Variants in LRRC53 observed in about 807,000 individuals in gnomAD.
LRRC53 encodes the protein leucine-rich repeat-containing protein 53.
A neutral mutation model predicts 13.6 loss-of-function variants in LRRC53; 25 were observed. The observed-to-expected ratio is 1.83, with a 90% CI of 1.34 to 2.56. The LOEUF is 2.56. Ranked by LOEUF, LRRC53 falls within the 30% of genes most tolerant of loss-of-function variation. The probability of loss-of-function intolerance (pLI) is 0.00; values close to 1 mark genes in which losing one functional copy is unlikely to be tolerated. For missense variants in LRRC53, 527 were observed against 275.8 expected (o/e 1.91, Z -6.45); for synonymous variants, 204 against 109.8 (o/e 1.86, Z -5.37).
intron 1 of LRRC53, among the ~76,000 whole-genome samples, chr1:74,501,540 G>A (rs1230661438): frequency 1.3e-5 from 2 of 152,090 alleles, no homozygotes; most frequent in African/African-American, 4.8e-5. Flanking sequence ...AGGCTAGAGT[G>A]CAGTGGCACA....
At chr1:74,527,807 G>A in the LRRC53 span, among the ~76,000 whole-genome samples, 8 of 152,190 alleles carry the variant, frequency 5.3e-5, no homozygotes, top group Non-Finnish European at 1.2e-4. Context: ...ATTGGACAGG[G>A]CTGAGTAAGG....
the LRRC53 span, among the ~76,000 whole-genome samples, chr1:74,521,429 A>G: frequency 3.2e-4 from 49 of 152,308 alleles, no homozygotes; most frequent in African/African-American, 1.1e-3. Flanking sequence ...TAACTATTTT[A>G]TGAAATATGT....
chr1:74,480,541 A>G lies in LRRC53; in HGVS notation c.516T>C (p.Ile172=). ...LDLSNNFISY[I]GKDAFRPLPQ... ...GCAGGGGCCGGAAGGCATCTTTCCC[A>G]ATGTAGGAAATAAAATTGTTGGATA... Residue 172 remains isoleucine, a synonymous_variant, in exon 3 of 5, where the codon ATT becomes ATC. Coordinates refer to ENST00000294635, the MANE Select transcript of LRRC53 (RefSeq NM_001382280.1). The G allele has an allele frequency of 1.4e-6, 1 of 717,412 alleles. No individual in the cohort carries two copies. Among genetic ancestry groups the G allele is most frequent in the East Asian group, 2.7e-5 (1 of 37,282 alleles). 44.4% of individuals were successfully genotyped at this position (717,412 alleles called of 1,614,324 possible). A position where few individuals can be genotyped will look rare whatever the true frequency, so the allele number is the denominator to read the frequency against.
At chr1:74,525,290 C>A in the LRRC53 span, among the ~76,000 whole-genome samples, 1 of 152,182 alleles carries the variant, frequency 6.6e-6, no homozygotes, top group Non-Finnish European at 1.5e-5. Context: ...TGCGTGTATA[C>A]CATCTCATAT....
At chr1:74,526,842 G>A in the LRRC53 span, among the ~76,000 whole-genome samples, 1 of 152,182 alleles carries the variant, frequency 6.6e-6, no homozygotes, top group South Asian at 2.1e-4. Flanking sequence ...GTAAACTACA[G>A]CTCATGGGTA....
the LRRC53 span, among the ~76,000 whole-genome samples, chr1:74,531,833 G>A: frequency 1.3e-5 from 2 of 152,264 alleles, no homozygotes; most frequent in South Asian, 2.1e-4. Context: ...TGATCCTTGT[G>A]CTAATATTAT....
At position 74,480,709 on chromosome 1, in the gene LRRC53, A is replaced by G. The variant is rs917101594; in HGVS notation, c.348T>C (p.Asn116=). The G allele has an allele frequency of 4.2e-6, 3 of 717,330 alleles. No individual in the cohort carries two copies. Among genetic ancestry groups the G allele is most frequent in the African/African-American group, 1.7e-5 (1 of 57,260 alleles). The allele number at this position is 717,330 out of a possible 1,614,324, so 44.4% of individuals were successfully genotyped here. ...LHSLQVLVLS[N]NALRTLRGSW... ...ACCCTCGTAGGGTGCGGAGAGCATT[A>G]TTGCTCAGCACCAGTACCTGCAGGC... Residue 116 remains asparagine, a synonymous_variant, in exon 3 of 5, where the codon AAT becomes AAC. Coordinates refer to ENST00000294635, the MANE Select transcript of LRRC53 (RefSeq NM_001382280.1).
the LRRC53 span, among the ~76,000 whole-genome samples, chr1:74,535,474 C>T: frequency 3.9e-5 from 6 of 151,932 alleles, no homozygotes; most frequent in Admixed American, 6.6e-5. Context: ...TGTCTCAAAT[C>T]AAACAAACAA....
chr1:74,495,693 GAGTA>G (rs1669293640), intron 1 of LRRC53, among the ~76,000 whole-genome samples: 1 of 152,134 alleles, frequency 6.6e-6, no homozygotes, highest in African/African-American at 2.4e-5. Context: ...AGTTAATGGA[GAGTA>G]AGTAAGCAAA....
At chr1:74,531,311 G>A in the LRRC53 span, among the ~76,000 whole-genome samples, 1 of 152,194 alleles carries the variant, frequency 6.6e-6, no homozygotes, top group African/African-American at 2.4e-5. Context: ...AAACAGCCAG[G>A]ATGAAACCAT....
At chr1:74,489,256 C>CTGAAATATGTCCA in intron 1 of LRRC53, 1 of 1,606,360 alleles carries the variant, frequency 6.2e-7, no homozygotes, top group Non-Finnish European at 8.5e-7. Context: ...GAGGTAAAAG[C>CTGAAATATGTCCA]TTTAGCTTCT....
chr1:74,536,992 C>A, the LRRC53 span, among the ~76,000 whole-genome samples: 2 of 152,256 alleles, frequency 1.3e-5, no homozygotes, highest in African/African-American at 2.4e-5. Context: ...GGTCTGGTTT[C>A]TTCTGTTTTG....
intron 1 of LRRC53, among the ~76,000 whole-genome samples, chr1:74,509,226 C>T (rs1670058901): frequency 6.6e-6 from 1 of 152,148 alleles, no homozygotes; most frequent in South Asian, 2.1e-4. Flanking sequence ...CAGTGTTGAC[C>T]ATTCCTCAGT....
At chr1:74,483,406 A>G (rs1340417188) in intron 1 of LRRC53, 31 bp from the exon 2 acceptor site, 3 of 712,142 alleles carry the variant, frequency 4.2e-6, no homozygotes, top group Non-Finnish European at 7.9e-6. Context: ...AATGTATATC[A>G]TAATGTTGGC....
At chr1:74,524,296 G>C in the LRRC53 span, among the ~76,000 whole-genome samples, 3 of 152,222 alleles carry the variant, frequency 2.0e-5, no homozygotes, top group Admixed American at 6.5e-5. Context: ...ATGGTAACAT[G>C]CAAAGTGAAT....
chr1:74,483,118 T>C (rs770769007), intron 2 of LRRC53, 144 bp downstream of exon 2: 2 of 470,532 alleles, frequency 4.3e-6, no homozygotes, highest in Non-Finnish European at 7.6e-6. Flanking sequence ...ATATTGCCAG[T>C]CTCTTTAGTC....
chr1:74,502,773 C>T (rs1053157507), intron 1 of LRRC53, among the ~76,000 whole-genome samples: 39 of 152,284 alleles, frequency 2.6e-4, no homozygotes, highest in Non-Finnish European at 3.2e-4. Flanking sequence ...TATAAATCAC[C>T]TGCCTGTGCT....
the LRRC53 span, among the ~76,000 whole-genome samples, chr1:74,532,260 T>C: frequency 1.3e-5 from 2 of 152,164 alleles, no homozygotes; most frequent in East Asian, 1.9e-4. Flanking sequence ...AAAGTATCAT[T>C]TTTTTAAAGA....
rs924623358 is a variant in LRRC53 at position 74,470,596 on chromosome 1, A to G, written c.3026T>C (p.Ile1009Thr). 5.0e-6 allele frequency: 2 copies of G among 400,588 alleles called. No homozygotes were observed. The highest frequency in any genetic ancestry group is 4.1e-5 in the African/African-American group (2 of 48,700). 24.8% of individuals were successfully genotyped at this position (400,588 alleles called of 1,614,324 possible). ...SKTETYDSSL[I>T]PQTQSKNNLS... Reference sequence around the variant, plus strand: ...GTTGTTCTTGGATTGTGTTTGGGGAATGAGAGAGGAATCATAAGTTTCTGT... The same window carrying G: ...GTTGTTCTTGGATTGTGTTTGGGGAGTGAGAGAGGAATCATAAGTTTCTGT... Residue 1009 changes from isoleucine to threonine, a missense_variant, in exon 5 of 5, where the codon ATT becomes ACT. Physicochemically the swap from Ile to Thr is moderately conservative, Grantham distance 89. Transcript: ENST00000294635.
Sources: allele counts gnomAD v4.1 joint callset (sites outside exome capture counted in the v4.1 genomes callset), GRCh38; gene constraint gnomAD v4.1.1; transcripts MANE v1.5; gene names NCBI Gene and HGNC (gene_info 2026-07-23, HGNC 2026-07-21).